The following PRG4 variants were observed in gnomAD, a reference collection of about 807,000 sequenced individuals.
PRG4 encodes proteoglycan 4.
Under a neutral mutation model 91.2 loss-of-function variants are expected in PRG4, and 61 were observed. That is an observed-to-expected ratio of 0.67 (90% CI 0.54 to 0.83). The LOEUF is 0.83. Among genes scored for constraint, PRG4 ranks in the 40% least tolerant of loss-of-function variants. The pLI is 0.00. For synonymous variants in PRG4, 576 were observed against 614.2 expected, an observed-to-expected ratio of 0.94 and a Z score of 0.92; for missense variants, 1,564 against 1,714.2, an observed-to-expected ratio of 0.91 and a Z score of 1.55.
At chr1:186,313,608 GT>G in intron 12 of PRG4, 72 bp from the exon 13 acceptor site, 1 of 880,862 alleles carries the variant, frequency 1.1e-6, no homozygotes, top group Non-Finnish European at 1.9e-6. Context: ...GAGCATAATA[GT>G]CAACATAAGT....
intron 4 of PRG4, among the ~76,000 whole-genome samples, chr1:186,302,079 T>C (rs997725974): frequency 1.3e-5 from 2 of 152,228 alleles, no homozygotes; most frequent in Non-Finnish European, 2.9e-5. Flanking sequence ...CGAAGTCAAC[T>C]ATCCTTTGAG....
At chr1:186,302,025 A>G (rs1656256495) in intron 4 of PRG4, among the ~76,000 whole-genome samples, 2 of 152,148 alleles carry the variant, frequency 1.3e-5, no homozygotes, top group South Asian at 2.1e-4. Context: ...ATCAACAGTA[A>G]TCAAATCACT....
At chr1:186,305,005 A>G in intron 6 of PRG4, 83 bp downstream of exon 6, 1 of 1,408,860 alleles carries the variant, frequency 7.1e-7, no homozygotes, top group South Asian at 1.2e-5. Context: ...TGTTGGCAGA[A>G]TGAGGACATC....
At chr1:186,313,070 G>A in intron 12 of PRG4, 176 bp downstream of exon 12, 1 of 661,468 alleles carries the variant, frequency 1.5e-6, no homozygotes, top group Non-Finnish European at 2.6e-6. Flanking sequence ...TAAAATGATG[G>A]CACTGCAATT....
Position 186,309,018 on chromosome 1 carries a change from C to G in PRG4, c.3299C>G (p.Ala1100Gly), listed in dbSNP as rs759042699. The change falls in exon 7 of 13, where the codon GCT (alanine) becomes GGT (glycine). Residue 1100 changes from alanine to glycine, a missense_variant. This residue lies in a region of PRG4 where 1,079 missense variants were observed against 1,162.2 expected (regional missense o/e 0.93). Transcript: ENST00000445192. ...CCAAAGAGTGAAGATGCAGGTGGTGCTGAAGGAGAAACACCTCATATGCTT... is the reference window on the plus strand; with the variant it reads ...CCAAAGAGTGAAGATGCAGGTGGTGGTGAAGGAGAAACACCTCATATGCTT... ...VNPKSEDAGG[A>G]EGETPHMLLR... The G allele has an allele frequency of 1.2e-5, 20 of 1,611,134 alleles. No homozygotes were observed. The African/African-American group carries it at 2.1e-4, about 17-fold the overall frequency.
chr1:186,312,921 A>G, intron 12 of PRG4, 27 bp downstream of exon 12: 1 of 1,595,218 alleles, frequency 6.3e-7, no homozygotes, highest in Non-Finnish European at 8.6e-7. Context: ...CAGTTTCCCA[A>G]GGAGGTGATA....
At chr1:186,301,281 C>T (rs1656199009) in intron 3 of PRG4, among the ~76,000 whole-genome samples, 1 of 152,170 alleles carries the variant, frequency 6.6e-6, no homozygotes, top group African/African-American at 2.4e-5. Context: ...AAGGCTATCT[C>T]ACTATCTAGA....
chr1:186,307,484 C>A lies in PRG4; in HGVS notation c.1765C>A (p.Pro589Thr), dbSNP rs759362589. 7 of 1,570,688 alleles carry A rather than the reference C, an allele frequency of 4.5e-6. No homozygotes were observed. Among genetic ancestry groups the A allele is most frequent in the Admixed American group, 1.8e-5 (1 of 56,624 alleles). Residue 589 changes from proline to threonine, a missense_variant, in exon 7 of 13, where the codon CCC (proline) becomes ACC (threonine). Pro to Thr is a conservative substitution (Grantham distance 38, BLOSUM62 -1). Coordinates refer to ENST00000445192, the MANE Select transcript of PRG4 (RefSeq NM_005807.6). ...TTPKEPAPTT[P>T]KEPAPTTTKK... ...CCCCAAGGAGCCTGCACCCACCACT[C>A]CCAAGGAACCTGCACCCACCACCAC...
chr1:186,299,506 C>T, intron 2 of PRG4, among the ~76,000 whole-genome samples: 1 of 152,090 alleles, frequency 6.6e-6, no homozygotes, highest in Non-Finnish European at 1.5e-5. Flanking sequence ...TTAAGGTGAC[C>T]ATAAAATGTA....
Position 186,308,161 on chromosome 1 carries a change from C to G in PRG4, c.2442C>G (p.Thr814=). 1.2e-6 allele frequency: 2 copies of G among 1,609,946 alleles called. No homozygotes were observed. Among genetic ancestry groups the G allele is most frequent in the Non-Finnish European group, 8.5e-7 (1 of 1,178,376 alleles). ...PTTTKGPTST[T]SDKPAPTTPK... Reference sequence around the variant, plus strand: ...CCACCAAGGGGCCCACATCCACCACCTCTGACAAGCCTGCTCCAACTACAC... The same window carrying G: ...CCACCAAGGGGCCCACATCCACCACGTCTGACAAGCCTGCTCCAACTACAC... The change falls in exon 7 of 13, where the codon ACC becomes ACG. Residue 814 remains threonine (T), a synonymous_variant. Coordinates refer to ENST00000445192, the MANE Select transcript of PRG4 (RefSeq NM_005807.6).
At position 186,309,140 on chromosome 1, in the gene PRG4, G is replaced by C. The variant is rs569506404; in HGVS notation, c.3421G>C (p.Asp1141His). 6.2e-7 allele frequency: 1 copy of C among 1,609,194 alleles called. No individual in the cohort carries two copies. The highest frequency in any genetic ancestry group is 1.7e-5 in the Admixed American group (1 of 59,976). The part of the protein sequence containing the change: ...QGIIINPMLS[D>H]ETNICNGKPV... ...CATTATCATCAATCCCATGCTTTCC[G>C]GTATTAAGAATCAGTTATTTTCATT... Residue 1141 changes from aspartate to histidine, a missense_variant and splice_region_variant, in exon 7 of 13, where the codon GAT becomes CAT. Around this residue, in one of 3 missense-constraint regions of PRG4, gnomAD observed 1,079 missense variants for 1,162.2 expected, o/e 0.93. Transcript: ENST00000445192.
Position 186,300,084 on chromosome 1 carries a change from A to C in PRG4, c.77-7A>C, listed in dbSNP as rs767007137. The C allele has an allele frequency of 1.2e-6, 2 of 1,613,854 alleles. No individual in the cohort carries two copies. The highest frequency in any genetic ancestry group is 2.7e-5 in the African/African-American group (2 of 74,914). On this transcript the variant is annotated splice_polypyrimidine_tract_variant and splice_region_variant and intron_variant, in intron 2 of 12. Transcript: ENST00000445192. ...GCCATATTTACGCCAGTATTGTATA[A>C]TTTTAGATTTATCAAGCTGTGCAGG...
Position 186,312,795 on chromosome 1 carries a change from A to C in PRG4, c.4018A>C (p.Ser1340Arg). ...TGTCCTTCATAATGAAGTTAAAGTG[A>C]GTATACTGTGGAGAGGACTTCCAAA... ...KGVLHNEVKV[S>R]ILWRGLPNVV... The change falls in exon 12 of 13, where the codon AGT becomes CGT. Residue 1340 changes from serine (S) to arginine (R), a missense_variant. Ser to Arg is a moderately radical substitution (Grantham distance 110). Around this residue, in one of 3 missense-constraint regions of PRG4, gnomAD observed 1,079 missense variants for 1,162.2 expected, o/e 0.93. Coordinates refer to ENST00000445192, the MANE Select transcript of PRG4 (RefSeq NM_005807.6). The C allele has an allele frequency of 6.2e-7, 1 of 1,612,882 alleles. No homozygotes were observed.
At chr1:186,297,500 C>G (rs1180971622) in intron 2 of PRG4, among the ~76,000 whole-genome samples, 1 of 152,142 alleles carries the variant, frequency 6.6e-6, no homozygotes, top group Non-Finnish European at 1.5e-5. Context: ...ACAGATGTGA[C>G]TGTCATTTTG....
chr1:186,313,549 C>A, intron 12 of PRG4, 132 bp from the exon 13 acceptor site: 1 of 619,170 alleles, frequency 1.6e-6, no homozygotes. Context: ...TTATAAAGTT[C>A]AAATTAATTA....
rs1657232247 is a variant in PRG4, at chr1:186,311,513, G to A, written c.3710G>A (p.Gly1237Glu). 1.2e-6 allele frequency: 2 copies of A among 1,613,892 alleles called. No homozygotes were observed. Among genetic ancestry groups the A allele is most frequent in the East Asian group, 4.5e-5 (2 of 44,844 alleles). The change falls in exon 10 of 13, where the codon GGA becomes GAA. Residue 1237 changes from glycine to glutamate, a missense_variant. Coordinates refer to ENST00000445192, the MANE Select transcript of PRG4 (RefSeq NM_005807.6). ...GYPKPIFKGF[G>E]GLTGQIVAAL... ...CCCAAACCAATTTTCAAAGGATTTG[G>A]AGGACTAACTGGACAAATAGTGGCA...
At chr1:186,306,130 T>C (rs1190189776) in intron 6 of PRG4, among the ~76,000 whole-genome samples, 188 bp from the exon 7 acceptor site, 2 of 152,164 alleles carry the variant, frequency 1.3e-5, no homozygotes, top group Admixed American at 6.5e-5. Context: ...CTCATCTCAT[T>C]TATTCCCTAA....
Position 186,314,368 on chromosome 1 carries a change from T to C in PRG4, c.*590T>C. 2.8e-6 allele frequency: 1 copy of C among 354,844 alleles called. No homozygotes were observed. The highest frequency in any genetic ancestry group is 4.8e-5 in the East Asian group (1 of 20,798). The allele number at this position is 354,844 out of a possible 1,614,324, so 22.0% of individuals were successfully genotyped here. A position where few individuals can be genotyped will look rare whatever the true frequency, so the allele number is the denominator to read the frequency against. On this transcript the variant is annotated 3_prime_UTR_variant, in exon 13 of 13. Transcript: ENST00000445192. Reference sequence around the variant, plus strand: ...ATGAATATAACACTATAACACTTCATATTTTCCAAATCTTAATTTGGATTT... The same window carrying C: ...ATGAATATAACACTATAACACTTCACATTTTCCAAATCTTAATTTGGATTT...
At chr1:186,311,650 C>T in intron 10 of PRG4, 54 bp downstream of exon 10, 1 of 1,511,270 alleles carries the variant, frequency 6.6e-7, no homozygotes, top group Non-Finnish European at 9.2e-7. Flanking sequence ...TTACACTCAG[C>T]ATTTTCATTT....
Sources: allele counts gnomAD v4.1 joint callset (sites outside exome capture counted in the v4.1 genomes callset), GRCh38; gene constraint gnomAD v4.1.1; regional missense constraint gnomAD v4.1.1; transcripts MANE v1.5; gene names NCBI Gene and HGNC (gene_info 2026-07-23, HGNC 2026-07-21).